The following NBPF9 variants were observed in gnomAD, a reference collection of about 807,000 sequenced individuals.
NBPF9 encodes the protein NBPF member 9.
NBPF9 carries 91 observed loss-of-function variants against 97.8 expected under a neutral mutation model. The ratio of observed to expected loss-of-function variants is 0.93; its 90% CI spans 0.79 to 1.11. The LOEUF (loss-of-function observed/expected upper bound fraction) is 1.11, where lower values mean the gene tolerates loss of function less well. NBPF9 is among the 50% of genes least tolerant of loss of function. The pLI is 0.00. For missense variants in NBPF9, 992 were observed against 939.5 expected, an observed-to-expected ratio of 1.06 and a Z score of -0.73; for synonymous variants, 334 against 359.5, an observed-to-expected ratio of 0.93 and a Z score of 0.80.
chr1:149,079,905 C>G (rs1377040144), intron 8 of NBPF9, 148 bp downstream of exon 8: 7 of 645,240 alleles, frequency 1.1e-5, no homozygotes, highest in Non-Finnish European at 8.3e-6. Flanking sequence ...TCCTTGTTCT[C>G]TGATAAATAT....
chr1:149,103,037 C>T (rs1443048542), intron 1 of NBPF9, among the ~76,000 whole-genome samples, 190 bp from the exon 2 acceptor site: 3 of 151,998 alleles, frequency 2.0e-5, no homozygotes, highest in Non-Finnish European at 1.5e-5. Flanking sequence ...CGTCCCTCCA[C>T]CCCCTGGGAT....
intron 5 of NBPF9, among the ~76,000 whole-genome samples, chr1:149,087,037 C>T (rs2081058667): frequency 6.6e-6 from 1 of 151,958 alleles, no homozygotes; most frequent in Admixed American, 6.6e-5. Flanking sequence ...CCAACAGGTG[C>T]TATTTTCAGC....
At position 149,055,825 on chromosome 1, in the gene NBPF9, G is replaced by A. The variant is rs587618048; in HGVS notation, c.3167C>T (p.Pro1056Leu). 1.9e-5 allele frequency: 30 copies of A among 1,606,280 alleles called. 2 individuals are homozygous for A. Among genetic ancestry groups the A allele is most frequent in the East Asian group, 1.7e-4 (7 of 42,228 alleles). The change falls in exon 30 of 30, where the codon CCG (proline) becomes CTG (leucine). Residue 1056 changes from proline to leucine, a missense_variant. Pro to Leu is a moderately conservative substitution (Grantham distance 98). Transcript: ENST00000584027. Reference sequence around the variant, plus strand: ...GTCAGGTAGTTCAAAGTACATTGACGGAGTAGAATAACATCCATCCAGTGA... The same window carrying A: ...GTCAGGTAGTTCAAAGTACATTGACAGAGTAGAATAACATCCATCCAGTGA...
intron 16 of NBPF9, among the ~76,000 whole-genome samples, chr1:149,070,146 CCCTG>C (rs2079285393): frequency 6.9e-6 from 1 of 145,144 alleles, no homozygotes; most frequent in Admixed American, 6.8e-5. Flanking sequence ...TATGGGGAAA[CCCTG>C]TCTCTACTAA....
chr1:149,068,248 A>T lies in NBPF9; in HGVS notation c.1637+1346T>A, dbSNP rs587664182. The stretch of plus-strand genomic sequence containing the variant: ...GGGTGAAATAACCAGCTAACATCAT[A>T]ACGACAGGATCAAATTCACACATAA... On this transcript the variant is annotated intron_variant, in intron 17 of 29. Transcript: ENST00000584027. 8.0e-5 allele frequency among the ~76,000 whole-genome samples: 12 copies of T among 149,562 alleles called. No individual in the cohort carries two copies. The South Asian group carries it at 1.7e-3, about 21-fold the overall frequency.
intron 5 of NBPF9, among the ~76,000 whole-genome samples, chr1:149,085,900 T>G (rs1326317512): frequency 6.6e-6 from 1 of 151,812 alleles, no homozygotes; most frequent in Non-Finnish European, 1.5e-5. Flanking sequence ...AAGTTTCTTG[T>G]ACCCCTTTGC....
chr1:149,072,811 C>A lies in NBPF9; in HGVS notation c.1213G>T (p.Asp405Tyr), dbSNP rs587619922. The A allele has an allele frequency of 6.2e-5, 98 of 1,593,398 alleles. 2 individuals are homozygous for A. The highest frequency in any genetic ancestry group is 1.8e-4 in the East Asian group (8 of 44,710). Residue 405 changes from aspartate (D) to tyrosine (Y), a missense_variant, in exon 14 of 30, where the codon GAT (aspartate) becomes TAT (tyrosine). Asp to Tyr is a radical substitution (Grantham distance 160). Around this residue, in one of 11 missense-constraint regions of NBPF9, gnomAD observed 187 missense variants for 149.6 expected, o/e 1.25. Transcript: ENST00000584027. ...TGCCCCTGGGACTTGTCCGGCTCAT[C>A]CGGAGTGAGGAGGGCCTGGAGATGC...
chr1:149,079,814 A>T (rs587690368), intron 8 of NBPF9, among the ~76,000 whole-genome samples: 1 of 152,192 alleles, frequency 6.6e-6, no homozygotes, highest in Non-Finnish European at 1.5e-5. Flanking sequence ...TGTGTTATGT[A>T]AATTTCACAT....
intron 4 of NBPF9, among the ~76,000 whole-genome samples, chr1:149,097,762 C>T (rs1381881664): frequency 6.6e-6 from 1 of 152,094 alleles, no homozygotes; most frequent in African/African-American, 2.4e-5. Context: ...GGCATGGTAC[C>T]TAATAGTCAC....
chr1:149,092,966 T>C (rs1425367894), intron 4 of NBPF9, among the ~76,000 whole-genome samples: 1 of 151,806 alleles, frequency 6.6e-6, no homozygotes, highest in Non-Finnish European at 1.5e-5. Flanking sequence ...AGAGACAAAG[T>C]ACAGAGAAAG....
At chr1:149,063,502 C>G (rs1358472290) in intron 20 of NBPF9, 131 bp downstream of exon 20, 3 of 694,694 alleles carry the variant, frequency 4.3e-6, no homozygotes, top group Non-Finnish European at 7.7e-6. Flanking sequence ...TTTCATTCAA[C>G]GTACATGTGC....
exon 30 of NBPF9, chr1:149,055,362 T>A (rs2078134820): frequency 1.7e-6 from 1 of 596,582 alleles, no homozygotes; most frequent in South Asian, 2.1e-5. Flanking sequence ...CAAAATGAAA[T>A]CCCTGAGGAA....
At chr1:149,064,650 G>C in intron 18 of NBPF9, 168 bp from the exon 19 acceptor site, 1 of 617,210 alleles carries the variant, frequency 1.6e-6, no homozygotes, top group Non-Finnish European at 2.9e-6. Flanking sequence ...TGAGAAAACT[G>C]GCTTGGGTTC....
chr1:149,076,150 T>C (rs1458013703), intron 11 of NBPF9, among the ~76,000 whole-genome samples: 1 of 151,966 alleles, frequency 6.6e-6, no homozygotes, highest in Admixed American at 6.6e-5. Context: ...GTGGCCAATG[T>C]TTCTGTGTAG....
At chr1:149,072,902 T>C in exon 14 of NBPF9, 1 of 1,607,216 alleles carries the variant, frequency 6.2e-7, no homozygotes, top group Non-Finnish European at 8.5e-7. Context: ...TCAGCTCTCG[T>C]TCCTGAGCGT....
At chr1:149,064,358 G>C (rs2078879859) in intron 19 of NBPF9, 73 bp downstream of exon 19, 2 of 794,140 alleles carry the variant, frequency 2.5e-6, no homozygotes, top group Non-Finnish European at 4.3e-6. Flanking sequence ...TTTTCAGCAT[G>C]TACTGTTTTC....
At chr1:149,075,912 T>C (rs2079826730) in intron 11 of NBPF9, 48 bp from the exon 12 acceptor site, 1 of 873,584 alleles carries the variant, frequency 1.1e-6, no homozygotes, top group Non-Finnish European at 1.9e-6. Context: ...ACTGGTGAAA[T>C]CAAATAGGCT....
intron 11 of NBPF9, among the ~76,000 whole-genome samples, chr1:149,076,800 G>A (rs1398909741): frequency 1.9e-4 from 29 of 151,326 alleles, no homozygotes; most frequent in South Asian, 4.2e-4. Context: ...GACCCACTGC[G>A]CCCAGCCGAG....
intron 15 of NBPF9, 24 bp downstream of exon 15, chr1:149,071,580 T>C: frequency 8.9e-7 from 1 of 1,125,018 alleles, no homozygotes; most frequent in Non-Finnish European, 1.3e-6. Flanking sequence ...CATCCATTAA[T>C]TGTTCCTGAG....
Sources: allele counts gnomAD v4.1 joint callset (sites outside exome capture counted in the v4.1 genomes callset), GRCh38; gene constraint gnomAD v4.1.1; regional missense constraint gnomAD v4.1.1; transcripts MANE v1.5; gene names NCBI Gene and HGNC (gene_info 2026-07-23, HGNC 2026-07-21).